RUBCN: variants seen among roughly 807,000 people sequenced by gnomAD.
RUBCN encodes the protein run domain Beclin-1-interacting and cysteine-rich domain-containing protein.
In RUBCN, 74 loss-of-function variants were observed where a neutral mutation model predicts 113.2. That is an observed-to-expected ratio of 0.65 (90% CI 0.54 to 0.79). RUBCN has a LOEUF of 0.79. RUBCN is among the 30% of genes least tolerant of loss of function. RUBCN has a pLI of 0.00. For synonymous variants in RUBCN, 480 were observed against 490.0 expected, an observed-to-expected ratio of 0.98 and a Z score of 0.27; for missense variants, 1,109 against 1,251.7, an observed-to-expected ratio of 0.89 and a Z score of 1.72.
At chr3:197,688,079 T>C (rs1580196044) in intron 11 of RUBCN, among the ~76,000 whole-genome samples, 2 of 152,272 alleles carry the variant, frequency 1.3e-5, no homozygotes, top group East Asian at 3.9e-4. Flanking sequence ...CAGGCTGGAG[T>C]GCAGTGGCAT....
Position 197,675,275 on chromosome 3 carries a change from C to T in RUBCN, c.2741-79G>A, listed in dbSNP as rs1720239820. On this transcript the variant is annotated intron_variant, in intron 19 of 19. Coordinates refer to ENST00000296343, the MANE Select transcript of RUBCN (RefSeq NM_014687.4). The surrounding 1 kb of genome is among the most constrained non-coding windows in gnomAD (Gnocchi z 4.4). The stretch of plus-strand genomic sequence containing the variant: ...GCTAGAGGTCAGTTGCTGCCACAGC[C>T]CCTTCTCGCCACCAAGGCGTGGTGT... 4 of 1,574,446 alleles carry T rather than the reference C, an allele frequency of 2.5e-6. No individual in the cohort carries two copies. The highest frequency in any genetic ancestry group is 1.7e-4 in the Middle Eastern group (1 of 5,916).
Position 197,676,838 on chromosome 3 carries a change from C to T in RUBCN, c.2646+47G>A, listed in dbSNP as rs199914722. On this transcript the variant is annotated intron_variant, in intron 18 of 19. Transcript: ENST00000296343. ...CCCAGGTCCACCCCCCTCCCTGTAT[C>T]CCTAAAAGCAAGGGCTCAGCTGCAT... 5 of 1,613,602 alleles carry T rather than the reference C, an allele frequency of 3.1e-6. No homozygotes were observed. The Admixed American group carries it at 6.7e-5, about 22-fold the overall frequency.
In RUBCN at chr3:197,694,548, G is replaced by C; in HGVS notation, c.1511C>G (p.Ala504Gly). 1 of 1,614,210 alleles carries C rather than the reference G, an allele frequency of 6.2e-7. No individual in the cohort carries two copies. Among genetic ancestry groups the C allele is most frequent in the South Asian group, 1.1e-5 (1 of 91,082 alleles). ...GTTGCACTTCATTAGCTCGATGGCA[G>C]CAATTAAGGACTCTGAGATGCTGAA... is the stretch of plus-strand genomic sequence containing the variant. ...AHFSISESLIAAIELMKCNMM... is the reference protein window; with the variant it reads ...AHFSISESLIGAIELMKCNMM... Residue 504 changes from alanine to glycine, a missense_variant, in exon 10 of 20, where the codon GCT becomes GGT. By Grantham distance (60) the Ala-to-Gly change is moderately conservative. Around this residue, in one of 3 missense-constraint regions of RUBCN, gnomAD observed 736 missense variants for 779.6 expected, o/e 0.94. Transcript: ENST00000296343.
chr3:197,736,252 G>GT (rs1042031946), intron 1 of RUBCN, among the ~76,000 whole-genome samples: 1 of 152,082 alleles, frequency 6.6e-6, no homozygotes, highest in African/African-American at 2.4e-5. Flanking sequence ...TCCTCTTCGC[G>GT]TTGGCCCCAC....
chr3:197,693,949 A>G (rs1427305661), intron 10 of RUBCN, 133 bp from the exon 11 acceptor site: 1 of 690,264 alleles, frequency 1.4e-6, no homozygotes, highest in Non-Finnish European at 2.6e-6. Flanking sequence ...GAAAGTTTCA[A>G]GTAAATAGAA....
At chr3:197,708,542 C>T (rs1371044687) in intron 2 of RUBCN, among the ~76,000 whole-genome samples, 1 of 110,228 alleles carries the variant, frequency 9.1e-6, no homozygotes, top group Non-Finnish European at 1.9e-5. Flanking sequence ...AAAAAGACTA[C>T]AGTGGTAGAC....
chr3:197,721,137 T>G (rs1243569646), intron 1 of RUBCN, among the ~76,000 whole-genome samples: 1 of 152,242 alleles, frequency 6.6e-6, no homozygotes, highest in East Asian at 1.9e-4. Flanking sequence ...AGAATGAGTT[T>G]GGAGGAATTC....
At chr3:197,733,874 G>A (rs1258147258) in intron 1 of RUBCN, among the ~76,000 whole-genome samples, 2 of 152,310 alleles carry the variant, frequency 1.3e-5, no homozygotes, top group Non-Finnish European at 2.9e-5. Context: ...TGAATGACAG[G>A]CACAGAATGC....
chr3:197,740,420 G>A (rs1043823561), upstream of RUBCN, among the ~76,000 whole-genome samples: 3 of 151,382 alleles, frequency 2.0e-5, no homozygotes, highest in Admixed American at 6.6e-5. Context: ...AGTGAGCTGA[G>A]GTCATGCCAT....
chr3:197,682,440 C>T, intron 14 of RUBCN, 30 bp downstream of exon 14: 5 of 1,613,850 alleles, frequency 3.1e-6, no homozygotes, highest in Non-Finnish European at 4.2e-6. Flanking sequence ...CGGATCTGTG[C>T]TCCAAAGGGC....
chr3:197,710,192 G>A (rs1724802698), intron 2 of RUBCN, among the ~76,000 whole-genome samples: 1 of 150,124 alleles, frequency 6.7e-6, no homozygotes. Flanking sequence ...AAATCACACA[G>A]TAGAAAAGCC....
chr3:197,713,125 C>G (rs1725140392), intron 2 of RUBCN, among the ~76,000 whole-genome samples: 1 of 152,198 alleles, frequency 6.6e-6, no homozygotes, highest in Non-Finnish European at 1.5e-5. Flanking sequence ...TCCCAAAGCG[C>G]TGGGATTACA....
chr3:197,681,153 C>G lies in RUBCN; in HGVS notation c.2406G>C (p.Lys802Asn). The G allele has an allele frequency of 6.2e-7, 1 of 1,613,836 alleles. No homozygotes were observed. Residue 802 changes from lysine to asparagine, a missense_variant, in exon 16 of 20, where the codon AAG becomes AAC. Lys to Asn is a moderately conservative substitution (Grantham distance 94, BLOSUM62 0). Around this residue, in one of 3 missense-constraint regions of RUBCN, gnomAD observed 306 missense variants for 348.9 expected, o/e 0.88. Coordinates refer to ENST00000296343, the MANE Select transcript of RUBCN (RefSeq NM_014687.4). The surrounding 1 kb of genome is among the most constrained non-coding windows in gnomAD (Gnocchi z 5.5). Reference sequence around the variant, plus strand: ...CCCGGACTTGATTGAGCAGCTTGACCTTCCTATAGAGGGCACTGTTTATGT... The same window carrying G: ...CCCGGACTTGATTGAGCAGCTTGACGTTCCTATAGAGGGCACTGTTTATGT... ...VQDINSALYR[K>N]VKLLNQVRLL...
chr3:197,749,249 A>ACAT (rs1728897247), intron 1 of RUBCN: 1 of 1,027,118 alleles, frequency 9.7e-7, no homozygotes, highest in Admixed American at 5.2e-5. Flanking sequence ...AAATGCAGCT[A>ACAT]CATCAACAGA....
Position 197,675,611 on chromosome 3 carries a change from T to C in RUBCN, c.2647-96A>G, listed in dbSNP as rs1263908451. On this transcript the variant is annotated intron_variant, in intron 18 of 19. Transcript: ENST00000296343. This position sits in a 1 kb window ranked among gnomAD's most constrained non-coding sequence, Gnocchi z 4.4. ...CGAGGAGGGGAGTGGTCTACAGGGT[T>C]CTGCTGCCCACAGGGAGGAGGCCTG... The C allele has an allele frequency of 1.1e-6, 1 of 926,010 alleles. No homozygotes were observed. The highest frequency in any genetic ancestry group is 1.8e-6 in the Non-Finnish European group (1 of 565,336). 57.4% of individuals were successfully genotyped at this position (926,010 alleles called of 1,614,324 possible).
intron 11 of RUBCN, among the ~76,000 whole-genome samples, chr3:197,691,334 C>T (rs1045959772): frequency 3.7e-4 from 56 of 152,224 alleles, no homozygotes; most frequent in African/African-American, 1.3e-3. Flanking sequence ...CTACTTCCTA[C>T]GCCAAGCCCA....
At position 197,718,078 on chromosome 3, in the gene RUBCN, C is replaced by T. The variant is rs1725744666; in HGVS notation, c.118G>A (p.Val40Ile). The change falls in exon 2 of 20, where the codon GTA (valine) becomes ATA (isoleucine). Residue 40 changes from valine (V) to isoleucine (I), a missense_variant. Around this residue, in one of 3 missense-constraint regions of RUBCN, gnomAD observed 736 missense variants for 779.6 expected, o/e 0.94. Transcript: ENST00000296343. ...CAGACGTTGGGGCTGTTGGTTGATA[C>T]CAAACCCTCCACCGTCGTCTTCAAA... ...GNLKTTVEGL[V>I]STNSPNVWSK... 1 of 1,614,224 alleles carries T rather than the reference C, an allele frequency of 6.2e-7. No homozygotes were observed. Among genetic ancestry groups the T allele is most frequent in the African/African-American group, 1.3e-5 (1 of 75,064 alleles).
intron 1 of RUBCN, among the ~76,000 whole-genome samples, chr3:197,730,496 C>A (rs1286029889): frequency 6.6e-6 from 1 of 152,018 alleles, no homozygotes. Context: ...GGAAGCAGAG[C>A]CCAGAGACAG....
chr3:197,694,401 G>A lies in RUBCN; in HGVS notation c.1658C>T (p.Pro553Leu). The change falls in exon 10 of 20, where the codon CCC (proline) becomes CTC (leucine). Residue 553 changes from proline to leucine, a missense_variant. Physicochemically the swap from Pro to Leu is moderately conservative, Grantham distance 98 (BLOSUM62 -3). Transcript: ENST00000296343. ...TCCGTGCTCAGCCTCCTGGTACATG[G>A]GGAGCAGGTTCTTGGTGCGGATTTG... Reference protein sequence around the residue: ...RQQIRTKNLLPMYQEAEHGSF... With the variant: ...RQQIRTKNLLLMYQEAEHGSF... The A allele has an allele frequency of 6.2e-7, 1 of 1,614,204 alleles. No homozygotes were observed.
Sources: gnomAD v4.1 joint callset for allele counts (sites outside exome capture counted in the v4.1 genomes callset) on GRCh38, gnomAD v4.1.1 for gene constraint, gnomAD v4.1.1 regional missense constraint, Gnocchi (gnomAD v3.1) non-coding constraint, MANE v1.5 for transcripts, NCBI Gene and HGNC (gene_info 2026-07-23, HGNC 2026-07-21) for gene names.